C2: variants seen among roughly 807,000 people sequenced by gnomAD.
The protein encoded by C2 is complement C2, also known as C3/C5 convertase.
C2 carries 64 observed loss-of-function variants against 85.2 expected under a neutral mutation model. The observed-to-expected ratio is 0.75, with a 90% confidence interval of 0.61 to 0.92. The LOEUF (loss-of-function observed/expected upper bound fraction) is 0.92. Ranked by LOEUF, C2 falls within the 40% of genes least tolerant of loss-of-function variation. The pLI is 0.00. For synonymous variants in C2, 311 were observed against 370.8 expected, an observed-to-expected ratio of 0.84 and a Z score of 1.85; for missense variants, 820 against 971.6, an observed-to-expected ratio of 0.84 and a Z score of 2.07.
chr6:31,920,974 C>G lies in C2; in HGVS notation c.-100+948C>G, dbSNP rs527455513. Among the ~76,000 whole-genome samples the G allele has an allele frequency of 1.2e-4, 18 of 152,226 alleles. No homozygotes were observed. The highest frequency in any genetic ancestry group is 7.8e-4 in the Admixed American group (12 of 15,292). ...GGGCATGGGGAGGAGCCCCATGGGGCAGGGCAAAACCCTTTCTGAGGCTCT... is the reference window on the plus strand; with the variant it reads ...GGGCATGGGGAGGAGCCCCATGGGGGAGGGCAAAACCCTTTCTGAGGCTCT... On this transcript the variant is annotated intron_variant, in intron 1 of 3. Transcript: ENST00000413154. This position sits in a 1 kb window ranked among gnomAD's most constrained non-coding sequence, Gnocchi z 5.6.
At chr6:31,937,587 G>T in intron 8 of C2, 128 bp downstream of exon 8, 1 of 1,124,090 alleles carries the variant, frequency 8.9e-7, no homozygotes, top group Admixed American at 1.8e-5. Flanking sequence ...TGTTTTTAGA[G>T]ATGGGGCCTT....
At chr6:31,901,051 G>A in exon 1 of C2, 1 of 1,614,204 alleles carries the variant, frequency 6.2e-7, no homozygotes. Context: ...AGCAGGAGAG[G>A]AGCAAGTCGG....
upstream of C2, chr6:31,900,379 G>GC (rs1554269567): frequency 6.5e-7 from 1 of 1,541,662 alleles, no homozygotes; most frequent in Non-Finnish European, 8.7e-7. The surrounding 1 kb of genome is among the most constrained non-coding windows in gnomAD (Gnocchi z 9.7). Context: ...CCCCCAGGCT[G>GC]CCCCCCGCCC....
chr6:31,944,924 A>G lies in C2; in HGVS notation c.2030-56A>G. On this transcript the variant is annotated intron_variant, in intron 16 of 17. Transcript: ENST00000299367. The surrounding 1 kb of genome is among the most constrained non-coding windows in gnomAD (Gnocchi z 5.1). Reference sequence around the variant, plus strand: ...TGTCTCTGTGGCCAGCATGCATGCCAGAACACCAGTCCACTGCCCTAGATG... The same window carrying G: ...TGTCTCTGTGGCCAGCATGCATGCCGGAACACCAGTCCACTGCCCTAGATG... 1 of 1,612,812 alleles carries G rather than the reference A, an allele frequency of 6.2e-7. No individual in the cohort carries two copies. Among genetic ancestry groups the G allele is most frequent in the South Asian group, 1.1e-5 (1 of 91,084 alleles).
chr6:31,905,817 GA>G (rs1462576295), intron 1 of C2, among the ~76,000 whole-genome samples: 1 of 151,934 alleles, frequency 6.6e-6, no homozygotes, highest in African/African-American at 2.4e-5. Context: ...AGCTTACTTT[GA>G]AAAGGGGTGT....
At chr6:31,917,783 G>T (rs1036758772), upstream of C2, among the ~76,000 whole-genome samples, 1 of 151,968 alleles carries the variant, frequency 6.6e-6, no homozygotes, top group Non-Finnish European at 1.5e-5. Flanking sequence ...TCAGCCGTTT[G>T]TAATCCCAGC....
intron 3 of C2, among the ~76,000 whole-genome samples, chr6:31,929,294 C>T (rs1378421434): frequency 6.6e-6 from 1 of 152,196 alleles, no homozygotes; most frequent in Non-Finnish European, 1.5e-5. Context: ...GTTCCAAGCC[C>T]TACTCTGACT....
At chr6:31,936,187 C>G in intron 7 of C2, 126 bp downstream of exon 7, 1 of 1,037,764 alleles carries the variant, frequency 9.6e-7, no homozygotes, top group Non-Finnish European at 1.4e-6. Context: ...TCCCACGAGT[C>G]TGGGGTAGTT....
At chr6:31,906,859 G>A (rs1257459993) in intron 1 of C2, among the ~76,000 whole-genome samples, 8 of 151,790 alleles carry the variant, frequency 5.3e-5, no homozygotes, top group African/African-American at 1.9e-4. Context: ...TTGTAGGGCC[G>A]GGTGCAGTGG....
Position 31,943,653 on chromosome 6 carries a change from A to C in C2, c.1577A>C (p.Lys526Thr). 3.7e-6 allele frequency: 6 copies of C among 1,613,054 alleles called. No homozygotes were observed. Among genetic ancestry groups the C allele is most frequent in the Non-Finnish European group, 5.1e-6 (6 of 1,180,034 alleles). Residue 526 changes from lysine (K) to threonine (T), a missense_variant, in exon 13 of 18, where the codon AAA (lysine) becomes ACA (threonine). By Grantham distance (78) the Lys-to-Thr change is moderately conservative (BLOSUM62 -1). Transcript: ENST00000299367. This position sits in a 1 kb window ranked among gnomAD's most constrained non-coding sequence, Gnocchi z 6.4. ...AGTGTATCATTTCCAGGAGACCCCAAATCCCAGTGGGGCAAAGAATTCCTT... is the reference window on the plus strand; with the variant it reads ...AGTGTATCATTTCCAGGAGACCCCACATCCCAGTGGGGCAAAGAATTCCTT... ...SLWRVNVGDPKSQWGKEFLIE... is the reference protein window; with the variant it reads ...SLWRVNVGDPTSQWGKEFLIE...
intron 1 of C2, among the ~76,000 whole-genome samples, chr6:31,909,910 T>C (rs914852960): frequency 1.3e-5 from 2 of 151,764 alleles, no homozygotes; most frequent in African/African-American, 4.8e-5. Flanking sequence ...AGACAGCGTC[T>C]CACTCTGTTG....
chr6:31,907,820 G>A (rs1249777337), intron 1 of C2, among the ~76,000 whole-genome samples: 1 of 148,830 alleles, frequency 6.7e-6, no homozygotes, highest in African/African-American at 2.5e-5. Context: ...TGGGACTACA[G>A]GCGTGCGCTA....
chr6:31,911,082 T>A (rs1768064061), intron 1 of C2, among the ~76,000 whole-genome samples: 1 of 152,136 alleles, frequency 6.6e-6, no homozygotes, highest in African/African-American at 2.4e-5. Flanking sequence ...GTGGATCACC[T>A]GAAGTCAGGA....
rs764825466 is a variant in C2, at chr6:31,934,358, G to A, written c.849+59G>A. 6.2e-6 allele frequency: 10 copies of A among 1,610,792 alleles called. No individual in the cohort carries two copies. The African/African-American group carries it at 8.0e-5, about 13-fold the overall frequency. ...CTTCCTGTGCTCACTATCTCTCTCTGTCTCCTTCCCCTCCTCAGAACCCCA... is the reference window on the plus strand; with the variant it reads ...CTTCCTGTGCTCACTATCTCTCTCTATCTCCTTCCCCTCCTCAGAACCCCA... On this transcript the variant is annotated intron_variant, in intron 6 of 17. Transcript: ENST00000299367.
rs550498736 is a variant in C2, at chr6:31,936,014, G to C, written c.941G>C (p.Arg314Pro). ...ATGTCTGTCCTGAACGACAACTCCC[G>C]GGATATGACTGAGGTGATCAGCAGC... Reference protein sequence around the residue: ...VLMSVLNDNSRDMTEVISSLE... With the variant: ...VLMSVLNDNSPDMTEVISSLE... The change falls in exon 7 of 18, where the codon CGG (arginine) becomes CCG (proline). Residue 314 changes from arginine to proline, a missense_variant. Coordinates refer to ENST00000299367, the MANE Select transcript of C2 (RefSeq NM_000063.6). 1 of 1,612,996 alleles carries C rather than the reference G, an allele frequency of 6.2e-7. No individual in the cohort carries two copies. The highest frequency in any genetic ancestry group is 1.3e-5 in the African/African-American group (1 of 75,024).
intron 9 of C2, among the ~76,000 whole-genome samples, chr6:31,940,612 C>T (rs900230279): frequency 2.6e-5 from 4 of 152,162 alleles, no homozygotes; most frequent in Non-Finnish European, 4.4e-5. Flanking sequence ...CACACTGCCC[C>T]CTCCCCCATC....
intron 4 of C2, 29 bp from the exon 5 acceptor site, chr6:31,933,838 G>T (rs752545777): frequency 5.0e-6 from 8 of 1,613,592 alleles, no homozygotes; most frequent in Admixed American, 3.3e-5. Context: ...CCACTGCCCC[G>T]GCTGACTCCT....
At chr6:31,917,057 G>A (rs924442808), upstream of C2, among the ~76,000 whole-genome samples, 1 of 150,264 alleles carries the variant, frequency 6.7e-6, no homozygotes, top group Non-Finnish European at 1.5e-5. Flanking sequence ...TGTAATCCGA[G>A]CTACTTGGGA....
upstream of C2, among the ~76,000 whole-genome samples, chr6:31,922,740 T>A (rs1196762594): frequency 6.6e-6 from 1 of 151,670 alleles, no homozygotes; most frequent in Non-Finnish European, 1.5e-5. The surrounding 1 kb of genome is among the most constrained non-coding windows in gnomAD (Gnocchi z 4.8). Context: ...TACTTGGGAG[T>A]CTGAGGCAGG....
Sources: allele counts gnomAD v4.1 joint callset (sites outside exome capture counted in the v4.1 genomes callset), GRCh38; gene constraint gnomAD v4.1.1; non-coding constraint Gnocchi (gnomAD v3.1); transcripts MANE v1.5; gene names NCBI Gene and HGNC (gene_info 2026-07-23, HGNC 2026-07-21).